Variants in ZNF91 observed in about 807,000 individuals in gnomAD.
The protein encoded by ZNF91 is zinc finger protein 91 (HPF7, HTF10).
Under a neutral mutation model 12.6 loss-of-function variants are expected in ZNF91, and 7 were observed. The ratio of observed to expected loss-of-function variants is 0.55; its 90% CI spans 0.31 to 1.04. The LOEUF (loss-of-function observed/expected upper bound fraction) is 1.04. Among genes scored for constraint, ZNF91 ranks in the 50% least tolerant of loss-of-function variants. ZNF91 has a pLI of 0.05. For missense variants in ZNF91, 1,217 were observed against 1,385.4 expected, an observed-to-expected ratio of 0.88 and a Z score of 1.93; for synonymous variants, 453 against 462.6, an observed-to-expected ratio of 0.98 and a Z score of 0.27.
chr19:23,387,310 C>CA (rs1969903743), intron 1 of ZNF91, among the ~76,000 whole-genome samples: 1 of 152,224 alleles, frequency 6.6e-6, no homozygotes. Flanking sequence ...CAAAGAAATA[C>CA]AAATTATTCT....
intron 1 of ZNF91, among the ~76,000 whole-genome samples, chr19:23,330,934 T>C (rs1363895279): frequency 2.0e-5 from 3 of 152,236 alleles, no homozygotes; most frequent in Admixed American, 1.3e-4. Flanking sequence ...AATTACCATG[T>C]TGTGAATATC....
intron 3 of ZNF91, among the ~76,000 whole-genome samples, chr19:23,369,441 GC>G (rs1376529532): frequency 2.0e-4 from 31 of 151,820 alleles, no homozygotes; most frequent in Admixed American, 6.6e-5. Flanking sequence ...GGGCGCCTCT[GC>G]CCGGCCGCCC....
At chr19:23,327,164 C>T (rs1265876701) in intron 1 of ZNF91, 1 of 152,026 alleles carries the variant, frequency 6.6e-6, no homozygotes, top group Admixed American at 6.5e-5. Context: ...ATACCAGAAA[C>T]CTACAGGGTA....
chr19:23,372,340 C>T (rs189953115), intron 3 of ZNF91, among the ~76,000 whole-genome samples: 4 of 152,114 alleles, frequency 2.6e-5, no homozygotes, highest in African/African-American at 9.7e-5. Flanking sequence ...CCTGTAATGA[C>T]AGCTACATGG....
intron 1 of ZNF91, among the ~76,000 whole-genome samples, chr19:23,316,887 T>C (rs1967570839): frequency 6.6e-6 from 1 of 152,140 alleles, no homozygotes; most frequent in Admixed American, 6.5e-5. Context: ...CTACCATCCA[T>C]TGGGATTTTC....
At chr19:23,394,200 TA>T (rs200042721) in intron 1 of ZNF91, among the ~76,000 whole-genome samples, 2 of 152,058 alleles carry the variant, frequency 1.3e-5, no homozygotes, top group African/African-American at 4.8e-5. Context: ...GAGACACATG[TA>T]AAAAATTCAG....
chr19:23,342,413 TA>T, intron 3 of ZNF91: 1 of 314,292 alleles, frequency 3.2e-6, no homozygotes. Flanking sequence ...TTTGAATATT[TA>T]AAACATACGT....
At chr19:23,389,064 T>C (rs2145137020) in intron 1 of ZNF91, among the ~76,000 whole-genome samples, 1 of 152,168 alleles carries the variant, frequency 6.6e-6, no homozygotes, top group South Asian at 2.1e-4. Flanking sequence ...CTTAGTACCT[T>C]AGTTACAAAA....
intron 3 of ZNF91, among the ~76,000 whole-genome samples, chr19:23,370,806 G>A (rs1293816548): frequency 6.6e-6 from 1 of 151,988 alleles, no homozygotes; most frequent in Non-Finnish European, 1.5e-5. Context: ...ACCATGCCTG[G>A]CCCTGACATG....
At chr19:23,363,602 A>C (rs1968893661) in intron 3 of ZNF91, among the ~76,000 whole-genome samples, 1 of 152,218 alleles carries the variant, frequency 6.6e-6, no homozygotes, top group Non-Finnish European at 1.5e-5. Flanking sequence ...AAAGACTTTG[A>C]CAGTTAGCTT....
chr19:23,365,610 C>T (rs1452341757), intron 3 of ZNF91, among the ~76,000 whole-genome samples: 3 of 147,398 alleles, frequency 2.0e-5, no homozygotes, highest in East Asian at 2.0e-4. Context: ...GGGTGTTTCT[C>T]GCAGAGAGGG....
intron 1 of ZNF91, among the ~76,000 whole-genome samples, chr19:23,321,757 T>C (rs1185901137): frequency 6.6e-6 from 1 of 152,112 alleles, no homozygotes. Context: ...TTTCTTTTCT[T>C]ACCAGGGTCT....
chr19:23,388,586 C>T (rs115303879), intron 1 of ZNF91, among the ~76,000 whole-genome samples: 2,394 of 152,040 alleles, frequency 0.016, 63 homozygotes, highest in African/African-American at 0.055. Flanking sequence ...AAAACCAATG[C>T]GGAGGCCAAA....
At chr19:23,369,494 G>A (rs1163834375) in intron 3 of ZNF91, among the ~76,000 whole-genome samples, 9 of 152,088 alleles carry the variant, frequency 5.9e-5, no homozygotes, top group African/African-American at 1.2e-4. Context: ...CCACCACCCC[G>A]TCTGGGAGGT....
At chr19:23,334,684 G>A (rs1009743979), downstream of ZNF91, among the ~76,000 whole-genome samples, 1 of 152,046 alleles carries the variant, frequency 6.6e-6, no homozygotes, top group African/African-American at 2.4e-5. Context: ...TAGAAGGGAC[G>A]GACTTCTTTT....
chr19:23,325,406 G>A (rs1967817103), intron 1 of ZNF91: 1 of 152,114 alleles, frequency 6.6e-6, no homozygotes. Flanking sequence ...CGTGAGTTCT[G>A]TTCCTGCAGA....
rs1027903631 is a variant in ZNF91 at position 23,357,919 on chromosome 19, T to G, written c.*1484A>C. On this transcript the variant is annotated 3_prime_UTR_variant, in exon 4 of 4. Transcript: ENST00000300619. ...AAAATATGCCACATATGGCATAATA[T>G]GTACACATATTAGGTATCCACAAAA... The G allele has an allele frequency of 2.6e-5, 4 of 152,174 alleles. No individual in the cohort carries two copies. The highest frequency in any genetic ancestry group is 2.6e-4 in the Admixed American group (4 of 15,276). The allele number at this position is 152,174 out of a possible 1,614,324, so 9.4% of individuals were successfully genotyped here.
intron 1 of ZNF91, among the ~76,000 whole-genome samples, chr19:23,321,432 A>C (rs980052663): frequency 1.3e-5 from 2 of 152,080 alleles, no homozygotes; most frequent in African/African-American, 4.8e-5. Context: ...CCCAGCCTAA[A>C]AAGGGGATTG....
At chr19:23,369,404 C>T (rs543596212) in intron 3 of ZNF91, among the ~76,000 whole-genome samples, 12 of 151,824 alleles carry the variant, frequency 7.9e-5, no homozygotes, top group South Asian at 4.2e-4. Flanking sequence ...CGCCTCCGCC[C>T]GGCCGCTGCC....
Sources: gnomAD v4.1 joint callset for allele counts (sites outside exome capture counted in the v4.1 genomes callset) on GRCh38, gnomAD v4.1.1 for gene constraint, MANE v1.5 for transcripts, NCBI Gene and HGNC (gene_info 2026-07-23, HGNC 2026-07-21) for gene names.